The following ITPK1 variants were observed in gnomAD, a reference collection of about 807,000 sequenced individuals.
ITPK1 encodes inositol-tetrakisphosphate 1-kinase, also known as inositol 1,3,4-trisphosphate 5/6-kinase.
A neutral mutation model predicts 45.3 loss-of-function variants in ITPK1; 21 were observed. The observed-to-expected ratio is 0.46, with a 90% CI of 0.33 to 0.67. The LOEUF is 0.67. ITPK1 is among the 30% of genes least tolerant of loss of function. The pLI, the probability that ITPK1 is intolerant of heterozygous loss-of-function variation, is 0.02. For synonymous variants in ITPK1, 258 were observed against 253.6 expected (o/e 1.02, Z -0.16); for missense variants, 474 against 573.5 (o/e 0.83, Z 1.77).
intron 5 of ITPK1, among the ~76,000 whole-genome samples, chr14:92,989,933 G>A (rs1216578372): frequency 6.6e-6 from 1 of 152,286 alleles, no homozygotes; most frequent in South Asian, 2.1e-4. Context: ...AGAGGGGACT[G>A]CTGCTGAGGT....
At chr14:93,019,294 C>T (rs1303382880) in intron 3 of ITPK1, among the ~76,000 whole-genome samples, 4 of 152,194 alleles carry the variant, frequency 2.6e-5, no homozygotes, top group African/African-American at 9.6e-5. Flanking sequence ...GTGGGGTTCC[C>T]TTGGCGCTGG....
At chr14:93,056,218 T>C (rs1191764247) in intron 3 of ITPK1, among the ~76,000 whole-genome samples, 1 of 152,110 alleles carries the variant, frequency 6.6e-6, no homozygotes, top group Non-Finnish European at 1.5e-5. Context: ...AGCCCACTCC[T>C]GGCCAAGCAG....
chr14:93,031,011 C>T (rs1308252393), intron 3 of ITPK1, among the ~76,000 whole-genome samples: 1 of 152,192 alleles, frequency 6.6e-6, no homozygotes, highest in Non-Finnish European at 1.5e-5. Flanking sequence ...ATGGCTGGAA[C>T]AGGCCCCGCT....
intron 5 of ITPK1, among the ~76,000 whole-genome samples, chr14:92,982,417 T>C (rs933604225): frequency 2.0e-5 from 3 of 152,218 alleles, no homozygotes; most frequent in Admixed American, 1.3e-4. Flanking sequence ...GTGGCCGCCT[T>C]GCAAGTAGAG....
chr14:92,966,286 C>G (rs1389180300), intron 5 of ITPK1, among the ~76,000 whole-genome samples: 1 of 152,194 alleles, frequency 6.6e-6, no homozygotes, highest in Non-Finnish European at 1.5e-5. Flanking sequence ...GCTACCATGC[C>G]TGGCCTCAAC....
chr14:92,967,664 C>T (rs1198053118), intron 5 of ITPK1, among the ~76,000 whole-genome samples: 5 of 152,194 alleles, frequency 3.3e-5, no homozygotes, highest in African/African-American at 1.2e-4. Context: ...AGAAGTCCAT[C>T]AACTGCAGAA....
chr14:92,984,273 G>T (rs1039873521), intron 5 of ITPK1, among the ~76,000 whole-genome samples: 4 of 152,224 alleles, frequency 2.6e-5, no homozygotes, highest in African/African-American at 9.6e-5. Flanking sequence ...GGAAGTGAGG[G>T]CGGCCAGAAG....
At chr14:92,984,109 T>C (rs1228577897) in intron 5 of ITPK1, among the ~76,000 whole-genome samples, 7 of 152,194 alleles carry the variant, frequency 4.6e-5, no homozygotes, top group African/African-American at 1.7e-4. Flanking sequence ...TCTCTACATG[T>C]ATGAATAGGA....
intron 3 of ITPK1, among the ~76,000 whole-genome samples, chr14:93,028,563 C>G (rs1888865178): frequency 6.6e-6 from 1 of 152,254 alleles, no homozygotes; most frequent in African/African-American, 2.4e-5. Context: ...CCTTGAGACA[C>G]TGTTTCCTCA....
chr14:93,050,006 C>T (rs914724070), intron 3 of ITPK1, among the ~76,000 whole-genome samples: 13 of 152,100 alleles, frequency 8.5e-5, no homozygotes, highest in Admixed American at 2.6e-4. Flanking sequence ...GGGTGGGCGC[C>T]GACAATCCCT....
chr14:92,962,928 C>A, intron 5 of ITPK1, 79 bp from the exon 6 acceptor site: 2 of 912,668 alleles, frequency 2.2e-6, no homozygotes, highest in Admixed American at 2.3e-5. Flanking sequence ...GCCCGCCCCA[C>A]CCCAGGGGCC....
At chr14:93,024,954 C>T (rs1380110305) in intron 3 of ITPK1, among the ~76,000 whole-genome samples, 2 of 152,054 alleles carry the variant, frequency 1.3e-5, no homozygotes, top group Admixed American at 6.6e-5. Context: ...TCATGTGGTC[C>T]GAGATACAAT....
chr14:92,964,153 A>G (rs1439108113), intron 5 of ITPK1, among the ~76,000 whole-genome samples: 1 of 152,218 alleles, frequency 6.6e-6, no homozygotes, highest in Non-Finnish European at 1.5e-5. Flanking sequence ...CTCACAGTCT[A>G]AACTCCAAAC....
chr14:92,941,114 C>A lies in ITPK1; in HGVS notation c.*447G>T, dbSNP rs1278807507. Reference sequence around the variant, plus strand: ...GCAGGTCAGGGAGTGGGGAGTCAGGCAGAAGGGAAGCCACTCTCACATGCA... The same window carrying A: ...GCAGGTCAGGGAGTGGGGAGTCAGGAAGAAGGGAAGCCACTCTCACATGCA... On this transcript the variant is annotated 3_prime_UTR_variant, in exon 11 of 11. Transcript: ENST00000267615. The A allele has an allele frequency of 8.3e-7, 1 of 1,202,860 alleles. No homozygotes were observed. Among genetic ancestry groups the A allele is most frequent in the East Asian group, 5.6e-5 (1 of 17,742 alleles). 74.5% of individuals were successfully genotyped at this position (1,202,860 alleles called of 1,614,324 possible).
In ITPK1 at chr14:93,115,055, G is replaced by A. The variant is rs761268289; in HGVS notation, c.95+14C>T. ...CCGGGGGTCCCCGGGCGCCGGCGCC[G>A]CGTCCCTCCTTACCTGCACAGCTCG... On this transcript the variant is annotated intron_variant, in intron 2 of 10. Transcript: ENST00000267615. 2 of 1,559,462 alleles carry A rather than the reference G, an allele frequency of 1.3e-6. No homozygotes were observed. The highest frequency in any genetic ancestry group is 1.7e-6 in the Non-Finnish European group (2 of 1,155,258).
At chr14:92,974,612 C>G (rs1177196704) in intron 5 of ITPK1, among the ~76,000 whole-genome samples, 1 of 152,234 alleles carries the variant, frequency 6.6e-6, no homozygotes, top group Non-Finnish European at 1.5e-5. Context: ...CAGGAGCTCC[C>G]CAGGAGCTAG....
chr14:93,113,585 T>G (rs1220808148), intron 2 of ITPK1, among the ~76,000 whole-genome samples: 1 of 152,256 alleles, frequency 6.6e-6, no homozygotes, highest in Admixed American at 6.5e-5. Flanking sequence ...ATTTCTTTAG[T>G]GTCTTAGAAT....
At chr14:93,074,969 C>G (rs1891156073) in intron 3 of ITPK1, among the ~76,000 whole-genome samples, 1 of 152,086 alleles carries the variant, frequency 6.6e-6, no homozygotes, top group Non-Finnish European at 1.5e-5. Context: ...AACACACACC[C>G]CTAAGCCATT....
chr14:92,956,350 A>C (rs557784832), intron 8 of ITPK1, among the ~76,000 whole-genome samples: 1 of 150,646 alleles, frequency 6.6e-6, no homozygotes, highest in East Asian at 2.0e-4. Context: ...GGCTGGTCTC[A>C]AATTCCTGGC....
Sources: gnomAD v4.1 joint callset for allele counts (sites outside exome capture counted in the v4.1 genomes callset) on GRCh38, gnomAD v4.1.1 for gene constraint, MANE v1.5 for transcripts, NCBI Gene and HGNC (gene_info 2026-07-23, HGNC 2026-07-21) for gene names.